The following NUP210L variants were observed in gnomAD, a reference collection of about 807,000 sequenced individuals.
NUP210L encodes nuclear pore membrane glycoprotein 210-like.
A neutral mutation model predicts 208.5 loss-of-function variants in NUP210L; 74 were observed. That is an observed-to-expected ratio of 0.35 (90% CI 0.29 to 0.43). The LOEUF (loss-of-function observed/expected upper bound fraction) is 0.43, where lower values mean the gene tolerates loss of function less well. Among genes scored for constraint, NUP210L ranks in the 20% least tolerant of loss-of-function variants. The pLI is 1.00. For synonymous variants in NUP210L, 780 were observed against 816.9 expected (o/e 0.95, Z 0.77); for missense variants, 1,843 against 2,289.4 (o/e 0.81, Z 3.98).
intron 16 of NUP210L, among the ~76,000 whole-genome samples, chr1:154,082,040 T>C (rs1306808873): frequency 3.9e-5 from 6 of 152,198 alleles, no homozygotes; most frequent in Non-Finnish European, 5.9e-5. Context: ...GTAAACACAT[T>C]GATGTGTTCC....
At chr1:154,044,054 T>C (rs1220175570) in intron 27 of NUP210L, among the ~76,000 whole-genome samples, 1 of 152,102 alleles carries the variant, frequency 6.6e-6, no homozygotes, top group Non-Finnish European at 1.5e-5. Context: ...AAGGGAGAAG[T>C]AGAATAGAGG....
At chr1:154,155,071 C>T (rs1391856373) in exon 1 of NUP210L, 26 of 1,544,010 alleles carry the variant, frequency 1.7e-5, no homozygotes, top group African/African-American at 2.7e-5. Flanking sequence ...CGGGTTCCCG[C>T]TCAACTACAG....
intron 16 of NUP210L, among the ~76,000 whole-genome samples, chr1:154,072,487 C>A (rs1282582114): frequency 1.3e-5 from 2 of 151,844 alleles, no homozygotes; most frequent in Non-Finnish European, 2.9e-5. Context: ...CGTCTGCCAC[C>A]ACGACCGGCT....
At chr1:154,138,124 C>T in exon 6 of NUP210L, 1 of 1,503,454 alleles carries the variant, frequency 6.7e-7, no homozygotes, top group South Asian at 1.4e-5. Context: ...CTCCCTTGAA[C>T]CATTTTTGCA....
intron 2 of NUP210L, among the ~76,000 whole-genome samples, chr1:154,146,829 T>C (rs954899231): frequency 1.4e-4 from 21 of 152,130 alleles, no homozygotes; most frequent in Non-Finnish European, 1.6e-4. Context: ...TTTATTTTTG[T>C]TTTGCTTTTT....
At chr1:154,105,070 A>G (rs549702408) in intron 12 of NUP210L, among the ~76,000 whole-genome samples, 1 of 152,318 alleles carries the variant, frequency 6.6e-6, no homozygotes, top group African/African-American at 2.4e-5. Flanking sequence ...CAGAGTCACA[A>G]GGCCCCCATT....
intron 27 of NUP210L, among the ~76,000 whole-genome samples, chr1:154,043,408 G>C (rs1413383163): frequency 5.9e-5 from 9 of 151,532 alleles, no homozygotes; most frequent in Non-Finnish European, 1.2e-4. Flanking sequence ...TCCACCTCCC[G>C]GGTTCAAGCG....
At chr1:154,012,208 A>G in intron 34 of NUP210L, 36 bp downstream of exon 34, 2 of 1,600,744 alleles carry the variant, frequency 1.2e-6, no homozygotes, top group Non-Finnish European at 8.5e-7. Context: ...CGAGAAAGAT[A>G]GGAACAATCA....
At chr1:154,137,901 C>T (rs1334788605) in intron 6 of NUP210L, among the ~76,000 whole-genome samples, 3 of 152,034 alleles carry the variant, frequency 2.0e-5, no homozygotes, top group African/African-American at 4.8e-5. Context: ...CTATTGGCAC[C>T]GAAGCTAAGC....
intron 34 of NUP210L, 116 bp downstream of exon 34, chr1:154,012,128 T>C (rs758551742): frequency 1.2e-5 from 12 of 982,456 alleles, no homozygotes; most frequent in Non-Finnish European, 1.8e-5. Context: ...TTTGTCAAGA[T>C]GGAGTCAGTT....
chr1:154,073,591 G>C (rs977091351), intron 16 of NUP210L, among the ~76,000 whole-genome samples: 17 of 152,056 alleles, frequency 1.1e-4, no homozygotes, highest in African/African-American at 4.1e-4. Flanking sequence ...AAGGCGAGCA[G>C]ATCACTTGAG....
At chr1:154,035,766 C>G (rs921450312) in intron 27 of NUP210L, among the ~76,000 whole-genome samples, 1 of 147,104 alleles carries the variant, frequency 6.8e-6, no homozygotes, top group Non-Finnish European at 1.5e-5. Flanking sequence ...TGGAGTCTTA[C>G]TTTGTCACCC....
chr1:154,136,066 G>A (rs1558003062), intron 6 of NUP210L, 94 bp from the exon 7 acceptor site: 12 of 867,210 alleles, frequency 1.4e-5, no homozygotes, highest in Non-Finnish European at 2.2e-5. Context: ...TCAGGAAGCA[G>A]ACATAAAATA....
At chr1:154,023,406 G>A (rs1651678964) in intron 30 of NUP210L, 109 bp from the exon 31 acceptor site, 1 of 866,084 alleles carries the variant, frequency 1.2e-6, no homozygotes, top group South Asian at 2.0e-5. Flanking sequence ...CTTTTCCATA[G>A]GAAATAGCTT....
intron 8 of NUP210L, among the ~76,000 whole-genome samples, chr1:154,127,884 G>T (rs1196014161): frequency 6.6e-6 from 1 of 151,050 alleles, no homozygotes; most frequent in Non-Finnish European, 1.5e-5. Context: ...GTTATTTTTT[G>T]AAACAGGGTC....
intron 12 of NUP210L, among the ~76,000 whole-genome samples, chr1:154,109,752 G>A (rs1203972102): frequency 1.3e-5 from 2 of 151,388 alleles, no homozygotes; most frequent in Non-Finnish European, 2.9e-5. Flanking sequence ...GAGGAATTTT[G>A]GAAACTATAC....
chr1:154,011,013 C>T (rs1650882074), intron 34 of NUP210L, among the ~76,000 whole-genome samples: 1 of 152,096 alleles, frequency 6.6e-6, no homozygotes, highest in African/African-American at 2.4e-5. Flanking sequence ...CCTAGAACTT[C>T]ATCACAAGTG....
intron 16 of NUP210L, among the ~76,000 whole-genome samples, chr1:154,074,673 G>C (rs1654945610): frequency 6.6e-6 from 1 of 151,998 alleles, no homozygotes; most frequent in Non-Finnish European, 1.5e-5. Context: ...TGTACTTTTA[G>C]TAGAGACGGG....
chr1:154,000,673 T>G (rs1360426025), intron 37 of NUP210L, among the ~76,000 whole-genome samples, 183 bp downstream of exon 37: 2 of 152,226 alleles, frequency 1.3e-5, no homozygotes, highest in African/African-American at 4.8e-5. Flanking sequence ...TGAGATTTCC[T>G]CATGCTATTT....
Sources: allele counts gnomAD v4.1 joint callset (sites outside exome capture counted in the v4.1 genomes callset), GRCh38; gene constraint gnomAD v4.1.1; transcripts MANE v1.5; gene names NCBI Gene and HGNC (gene_info 2026-07-23, HGNC 2026-07-21).